Variants in RDX observed in about 807,000 individuals in gnomAD.
RDX encodes radixin.
RDX carries 32 observed loss-of-function variants against 83.7 expected under a neutral mutation model. The ratio of observed to expected loss-of-function variants is 0.38; its 90% confidence interval spans 0.29 to 0.51. The LOEUF (loss-of-function observed/expected upper bound fraction) is 0.51. Among genes scored for constraint, RDX ranks in the 20% least tolerant of loss-of-function variants. The pLI is 0.87. For synonymous variants in RDX, 229 were observed against 222.7 expected (o/e 1.03, Z -0.25); for missense variants, 600 against 689.9 (o/e 0.87, Z 1.46).
intron 15 of RDX, among the ~76,000 whole-genome samples, chr11:110,187,592 A>C (rs1417156303): frequency 6.6e-6 from 1 of 152,176 alleles, no homozygotes; most frequent in Non-Finnish European, 1.5e-5. Flanking sequence ...GAGAACTTGG[A>C]GCTGAGAAGT....
chr11:110,293,531 C>G (rs150217265), intron 1 of RDX, among the ~76,000 whole-genome samples: 4 of 152,142 alleles, frequency 2.6e-5, no homozygotes, highest in Non-Finnish European at 4.4e-5. Flanking sequence ...CAAAGCAGTA[C>G]GCACACCCTG....
chr11:110,271,412 A>G (rs1371657656), intron 3 of RDX, among the ~76,000 whole-genome samples: 1 of 152,172 alleles, frequency 6.6e-6, no homozygotes, highest in Non-Finnish European at 1.5e-5. Context: ...TATAAAAGTT[A>G]TCCTCCTCTA....
At chr11:110,186,742 G>A (rs568137605) in intron 15 of RDX, among the ~76,000 whole-genome samples, 1 of 152,272 alleles carries the variant, frequency 6.6e-6, no homozygotes, top group Non-Finnish European at 1.5e-5. Context: ...CCCAAGCCCT[G>A]GAGCGGACTT....
intron 2 of RDX, among the ~76,000 whole-genome samples, chr11:110,276,168 T>C (rs964951992): frequency 7.2e-5 from 11 of 152,210 alleles, no homozygotes; most frequent in African/African-American, 2.2e-4. Flanking sequence ...ATTTTCACAA[T>C]TTTCAATGAT....
chr11:110,183,316 G>A (rs1162459251), intron 15 of RDX, among the ~76,000 whole-genome samples: 2 of 152,126 alleles, frequency 1.3e-5, no homozygotes, highest in African/African-American at 2.4e-5. Context: ...ATTAATATAT[G>A]TATATCTGTA....
At chr11:110,277,230 G>T (rs77445209) in intron 2 of RDX, among the ~76,000 whole-genome samples, 4 of 152,072 alleles carry the variant, frequency 2.6e-5, no homozygotes, top group Non-Finnish European at 5.9e-5. Flanking sequence ...AGCTGTAAAC[G>T]TTCACATTCC....
intron 1 of RDX, among the ~76,000 whole-genome samples, chr11:110,280,421 T>C (rs1332139479): frequency 6.6e-6 from 1 of 152,144 alleles, no homozygotes; most frequent in African/African-American, 2.4e-5. Context: ...TTTTTTTATT[T>C]TATTTTTTTG....
intron 14 of RDX, among the ~76,000 whole-genome samples, chr11:110,218,867 T>G (rs1864149574): frequency 6.6e-6 from 1 of 152,174 alleles, no homozygotes; most frequent in African/African-American, 2.4e-5. Flanking sequence ...TTCTGAGCTC[T>G]CAGAGCTCAT....
At chr11:110,240,109 G>A (rs536404576) in intron 10 of RDX, among the ~76,000 whole-genome samples, 1 of 152,270 alleles carries the variant, frequency 6.6e-6, no homozygotes, top group Non-Finnish European at 1.5e-5. Flanking sequence ...GTACTCCTAC[G>A]TTTATTGCAG....
At chr11:110,222,038 C>T (rs1050064762) in intron 14 of RDX, among the ~76,000 whole-genome samples, 1 of 152,132 alleles carries the variant, frequency 6.6e-6, no homozygotes, top group Non-Finnish European at 1.5e-5. Flanking sequence ...TGTCTTATTT[C>T]ATGGAAAAGG....
At chr11:110,249,924 G>A (rs959006873) in intron 9 of RDX, among the ~76,000 whole-genome samples, 6 of 152,110 alleles carry the variant, frequency 3.9e-5, no homozygotes, top group African/African-American at 1.4e-4. Flanking sequence ...TGTAAGGGAA[G>A]CTCCATCTCT....
intron 9 of RDX, among the ~76,000 whole-genome samples, chr11:110,249,010 C>G (rs1324294107): frequency 6.6e-6 from 1 of 152,114 alleles, no homozygotes; most frequent in Non-Finnish European, 1.5e-5. Context: ...TGCCATGGGC[C>G]TGATGAGAGT....
intron 15 of RDX, among the ~76,000 whole-genome samples, chr11:110,198,512 C>T (rs1449501021): frequency 6.6e-6 from 1 of 152,206 alleles, no homozygotes; most frequent in Non-Finnish European, 1.5e-5. Context: ...GGTGAACAAG[C>T]ATTATGGCCT....
chr11:110,291,897 C>A (rs368544794), intron 1 of RDX, among the ~76,000 whole-genome samples: 1 of 151,854 alleles, frequency 6.6e-6, no homozygotes, highest in African/African-American at 2.4e-5. Flanking sequence ...TTCAGGAGGC[C>A]GAGGCAGAAA....
At chr11:110,243,594 T>C (rs1865185897) in intron 10 of RDX, among the ~76,000 whole-genome samples, 1 of 152,102 alleles carries the variant, frequency 6.6e-6, no homozygotes, top group African/African-American at 2.4e-5. Flanking sequence ...GGTGCACATC[T>C]GTAATCCCAG....
intron 10 of RDX, among the ~76,000 whole-genome samples, chr11:110,247,059 G>A (rs1859140581): frequency 6.6e-6 from 1 of 152,156 alleles, no homozygotes; most frequent in Admixed American, 6.5e-5. Context: ...TATTCGCTGA[G>A]TGAAAGTGGT....
intron 10 of RDX, among the ~76,000 whole-genome samples, chr11:110,238,420 C>T (rs1864948466): frequency 6.6e-6 from 1 of 152,026 alleles, no homozygotes; most frequent in Non-Finnish European, 1.5e-5. Flanking sequence ...ATTATTTTGA[C>T]AATTATTTAA....
chr11:110,290,710 A>G (rs886702205), intron 1 of RDX, among the ~76,000 whole-genome samples: 23 of 152,232 alleles, frequency 1.5e-4, no homozygotes, highest in African/African-American at 5.1e-4. Flanking sequence ...AGGGCCAGGT[A>G]AGTAAACATT....
intron 14 of RDX, among the ~76,000 whole-genome samples, chr11:110,223,758 A>G (rs1864336886): frequency 6.6e-6 from 1 of 152,108 alleles, no homozygotes; most frequent in African/African-American, 2.4e-5. Flanking sequence ...ATAATCAACT[A>G]CAGTTTTTGA....
Sources: gnomAD v4.1 joint callset for allele counts (sites outside exome capture counted in the v4.1 genomes callset) on GRCh38, gnomAD v4.1.1 for gene constraint, MANE v1.5 for transcripts, NCBI Gene and HGNC (gene_info 2026-07-23, HGNC 2026-07-21) for gene names.